Variants in OSBPL10 observed in about 807,000 individuals in gnomAD.
OSBPL10 encodes the protein oxysterol-binding protein-related protein 10.
OSBPL10 carries 49 observed loss-of-function variants against 81.7 expected under a neutral mutation model. The observed-to-expected ratio is 0.60, with a 90% CI of 0.48 to 0.76. The LOEUF (loss-of-function observed/expected upper bound fraction) is 0.76. Ranked by LOEUF, OSBPL10 falls within the 30% of genes least tolerant of loss-of-function variation. The pLI, the probability that OSBPL10 is intolerant of heterozygous loss-of-function variation, is 0.00. For missense variants in OSBPL10, 923 were observed against 987.8 expected, an observed-to-expected ratio of 0.93 and a Z score of 0.88; for synonymous variants, 419 against 383.6, an observed-to-expected ratio of 1.09 and a Z score of -1.08.
At chr3:31,839,557 T>C (rs1242332442) in intron 3 of OSBPL10, among the ~76,000 whole-genome samples, 1 of 151,430 alleles carries the variant, frequency 6.6e-6, no homozygotes, top group East Asian at 1.9e-4. Flanking sequence ...TTTAGGTAGG[T>C]GGCCAGAGAA....
chr3:31,860,114 G>C (rs1163395723), intron 3 of OSBPL10, among the ~76,000 whole-genome samples: 1 of 152,134 alleles, frequency 6.6e-6, no homozygotes, highest in African/African-American at 2.4e-5. Context: ...CATGAAGTCT[G>C]AGTCAATGAA....
At chr3:32,056,055 C>T (rs1699709292) in intron 1 of OSBPL10, among the ~76,000 whole-genome samples, 2 of 152,074 alleles carry the variant, frequency 1.3e-5, no homozygotes, top group Non-Finnish European at 2.9e-5. Flanking sequence ...AATAATTAAG[C>T]CAGGTATAAT....
At chr3:32,000,397 T>G (rs1699133557) in intron 2 of OSBPL10, among the ~76,000 whole-genome samples, 1 of 152,176 alleles carries the variant, frequency 6.6e-6, no homozygotes, top group African/African-American at 2.4e-5. Context: ...ACTTCATAGC[T>G]ATATGACCTC....
intron 4 of OSBPL10, among the ~76,000 whole-genome samples, chr3:31,822,913 T>TAAAAAAAAAAAAAA (rs71097447): frequency 0.015 from 1,362 of 88,474 alleles, 51 homozygotes; most frequent in Admixed American, 0.021. Flanking sequence ...CCCCCAACTC[T>TAAAAAAAAAAAAAA]AAAAAAAAAA....
At position 31,808,214 on chromosome 3, in the gene OSBPL10, G is replaced by C. The variant is rs546946433; in HGVS notation, c.729+21826C>G. On this transcript the variant is annotated intron_variant, in intron 4 of 11. Coordinates refer to ENST00000396556, the MANE Select transcript of OSBPL10 (RefSeq NM_017784.5). The stretch of plus-strand genomic sequence containing the variant: ...CATTTTACTCCTGTCATCCCAGCAG[G>C]TTTGACAGGAGGTTGGAGGGAAAGG... Among the ~76,000 whole-genome samples, 4 of 152,240 alleles carry C rather than the reference G, an allele frequency of 2.6e-5. No individual in the cohort carries two copies. The East Asian group carries it at 7.7e-4, about 29-fold the overall frequency.
intron 7 of OSBPL10, among the ~76,000 whole-genome samples, chr3:31,693,427 A>G (rs1695616112): frequency 6.6e-6 from 1 of 152,258 alleles, no homozygotes; most frequent in Non-Finnish European, 1.5e-5. Flanking sequence ...CAACGTGGCC[A>G]ACCACAGACT....
intron 1 of OSBPL10, among the ~76,000 whole-genome samples, chr3:32,067,898 T>C (rs1469475918): frequency 1.3e-5 from 2 of 152,174 alleles, no homozygotes; most frequent in African/African-American, 4.8e-5. Context: ...AAAGCCTGTT[T>C]AGTGGTCTCT....
chr3:31,702,072 C>T (rs1695912034), intron 7 of OSBPL10, among the ~76,000 whole-genome samples: 1 of 152,122 alleles, frequency 6.6e-6, no homozygotes, highest in Non-Finnish European at 1.5e-5. Flanking sequence ...TTGAATTTTC[C>T]ATACCATCTC....
Position 31,702,512 on chromosome 3 carries a change from A to G in OSBPL10, c.1096-4T>C. 6.2e-7 allele frequency: 1 copy of G among 1,614,022 alleles called. No individual in the cohort carries two copies. The highest frequency in any genetic ancestry group is 8.5e-7 in the Non-Finnish European group (1 of 1,180,002). ...CCAATTCAGAGCCTGAGTTTGGCTA[A>G]AATGAAATAATCAATAAAAATCACC... On this transcript the variant is annotated splice_region_variant and splice_polypyrimidine_tract_variant and intron_variant, in intron 6 of 11. Coordinates refer to ENST00000396556, the MANE Select transcript of OSBPL10 (RefSeq NM_017784.5).
intron 2 of OSBPL10, among the ~76,000 whole-genome samples, chr3:32,008,739 GAC>G (rs369375678): frequency 2.9e-5 from 4 of 139,394 alleles, no homozygotes; most frequent in African/African-American, 1.1e-4. Context: ...CAGCCTGGGA[GAC>G]AGAGTGAGAT....
intron 1 of OSBPL10, among the ~76,000 whole-genome samples, chr3:31,974,431 G>A (rs1472129278): frequency 2.6e-5 from 4 of 152,130 alleles, no homozygotes; most frequent in African/African-American, 9.7e-5. Context: ...TCCAAACACA[G>A]GTACTAGAAT....
chr3:31,665,250 C>A (rs187954448), intron 10 of OSBPL10, among the ~76,000 whole-genome samples: 8 of 152,150 alleles, frequency 5.3e-5, no homozygotes, highest in Non-Finnish European at 1.2e-4. Context: ...CAGGACACCA[C>A]CACCCAAGCA....
intron 8 of OSBPL10, among the ~76,000 whole-genome samples, chr3:31,672,502 G>C (rs895551495): frequency 1.2e-4 from 18 of 151,902 alleles, no homozygotes; most frequent in African/African-American, 4.1e-4. Context: ...TGCCAGGGGA[G>C]TCTGAGGAGA....
intron 4 of OSBPL10, among the ~76,000 whole-genome samples, chr3:31,802,395 TAA>T (rs1003876573): frequency 1.4e-5 from 2 of 139,852 alleles, no homozygotes; most frequent in African/African-American, 5.2e-5. Context: ...CCATCTCTAC[TAA>T]AAAAAAAAAA....
At chr3:31,893,997 TG>T (rs1404087610) in intron 1 of OSBPL10, among the ~76,000 whole-genome samples, 1 of 152,150 alleles carries the variant, frequency 6.6e-6, no homozygotes, top group Non-Finnish European at 1.5e-5. Flanking sequence ...TTACAATGAG[TG>T]AATTTTATAA....
intron 4 of OSBPL10, among the ~76,000 whole-genome samples, chr3:31,782,472 A>G (rs1698720887): frequency 6.6e-6 from 1 of 152,254 alleles, no homozygotes; most frequent in African/African-American, 2.4e-5. Flanking sequence ...GTTTCTGCAC[A>G]GCAAAAGAAA....
intron 1 of OSBPL10, among the ~76,000 whole-genome samples, chr3:31,954,814 T>C (rs1330109111): frequency 2.0e-5 from 3 of 152,224 alleles, no homozygotes; most frequent in South Asian, 4.1e-4. Context: ...GTTAATGACA[T>C]GCATGCTAAA....
intron 6 of OSBPL10, among the ~76,000 whole-genome samples, chr3:31,722,185 A>C (rs1377686337): frequency 6.6e-6 from 1 of 152,182 alleles, no homozygotes; most frequent in African/African-American, 2.4e-5. Context: ...AATTATCAAA[A>C]ACAGAATCTC....
intron 9 of OSBPL10, among the ~76,000 whole-genome samples, chr3:31,670,031 C>T (rs1455929947): frequency 6.6e-6 from 1 of 152,178 alleles, no homozygotes. Context: ...TTCTGTGGTG[C>T]CCATCATGGC....
Sources: allele counts gnomAD v4.1 joint callset (sites outside exome capture counted in the v4.1 genomes callset), GRCh38; gene constraint gnomAD v4.1.1; transcripts MANE v1.5; gene names NCBI Gene and HGNC (gene_info 2026-07-23, HGNC 2026-07-21).